IGSF9B: variants seen among roughly 807,000 people sequenced by gnomAD.
IGSF9B encodes the protein protein turtle homolog B.
Under a neutral mutation model 143.7 loss-of-function variants are expected in IGSF9B, and 48 were observed. The observed-to-expected ratio is 0.33, with a 90% CI of 0.26 to 0.42. The LOEUF is 0.42. IGSF9B is among the 20% of genes least tolerant of loss of function. IGSF9B has a pLI of 1.00. For synonymous variants in IGSF9B, 903 were observed against 833.1 expected, an observed-to-expected ratio of 1.08 and a Z score of -1.44; for missense variants, 1,706 against 1,980.0, an observed-to-expected ratio of 0.86 and a Z score of 2.63.
At position 133,920,165 on chromosome 11, in the gene IGSF9B, G is replaced by A; in HGVS notation, c.3560C>T (p.Ala1187Val). The A allele has an allele frequency of 1.3e-6, 2 of 1,509,532 alleles. No individual in the cohort carries two copies. Among genetic ancestry groups the A allele is most frequent in the East Asian group, 2.3e-5 (1 of 43,544 alleles). 93.5% of individuals were successfully genotyped at this position (1,509,532 alleles called of 1,614,324 possible). ...CACCACTTGATGTAAACTGGGCTCG[G>A]CGCGCCTGGCCTGCCGAGGGCTAGG... ...PRPSPRQARRAEPSLHQVVLQ... is the reference protein window; with the variant it reads ...PRPSPRQARRVEPSLHQVVLQ... Residue 1187 changes from alanine to valine, a missense_variant, in exon 18 of 20, where the codon GCC becomes GTC. By Grantham distance (64) the Ala-to-Val change is moderately conservative. This residue lies in a region of IGSF9B where 880 missense variants were observed against 762.9 expected (regional missense o/e 1.15). Coordinates refer to ENST00000533871, the MANE Select transcript of IGSF9B (RefSeq NM_001277285.4).
Position 133,948,561 on chromosome 11 carries a change from G to T in IGSF9B, c.65-2303C>A, listed in dbSNP as rs139355948. On this transcript the variant is annotated intron_variant, in intron 1 of 19. Coordinates refer to ENST00000533871, the MANE Select transcript of IGSF9B (RefSeq NM_001277285.4). The surrounding 1 kb of genome is among the most constrained non-coding windows in gnomAD (Gnocchi z 4.7). ...TCCCAGCAGCCAGGATCACAAAGGC[G>T]GATGCTGGACCAAGAGGAATGGGTG... is the stretch of plus-strand genomic sequence containing the variant. Among the ~76,000 whole-genome samples the T allele has an allele frequency of 6.6e-6, 1 of 151,686 alleles. No homozygotes were observed. Among genetic ancestry groups the T allele is most frequent in the Non-Finnish European group, 1.5e-5 (1 of 67,966 alleles).
At chr11:133,934,067 C>A (rs1173436454) in intron 7 of IGSF9B, among the ~76,000 whole-genome samples, 2 of 150,734 alleles carry the variant, frequency 1.3e-5, no homozygotes, top group African/African-American at 4.9e-5. Context: ...AAATAAAAAT[C>A]CTTGTCTCAC....
Position 133,919,991 on chromosome 11 carries a change from A to C in IGSF9B, c.3734T>G (p.Val1245Gly), listed in dbSNP as rs1939485004. The change falls in exon 18 of 20, where the codon GTC becomes GGC. Residue 1245 changes from valine to glycine, a missense_variant. Physicochemically the swap from Val to Gly is moderately radical, Grantham distance 109. Around this residue, in one of 7 missense-constraint regions of IGSF9B, gnomAD observed 880 missense variants for 762.9 expected, o/e 1.15. Transcript: ENST00000533871. ...SEITLQPPAA[V>G]SFSRKSTPST... Reference sequence around the variant, plus strand: ...CGGCGTAGACTTTCGAGAAAAGCTGACTGCAGCCGGCGGCTGCAGGGTGAT... The same window carrying C: ...CGGCGTAGACTTTCGAGAAAAGCTGCCTGCAGCCGGCGGCTGCAGGGTGAT... The C allele has an allele frequency of 6.3e-7, 1 of 1,578,958 alleles. No homozygotes were observed. Among genetic ancestry groups the C allele is most frequent in the Non-Finnish European group, 8.6e-7 (1 of 1,162,458 alleles).
At chr11:133,944,487 G>C (rs1763288754) in intron 2 of IGSF9B, 121 bp from the exon 3 acceptor site, 3 of 1,079,760 alleles carry the variant, frequency 2.8e-6, no homozygotes, top group Non-Finnish European at 4.0e-6. Context: ...CCCTATGGCA[G>C]GGCTCCAGAA....
rs1482345173 is a variant in IGSF9B at position 133,935,623 on chromosome 11, C to T, written c.961G>A (p.Val321Met). The T allele has an allele frequency of 6.2e-7, 1 of 1,609,896 alleles. No individual in the cohort carries two copies. The highest frequency in any genetic ancestry group is 1.7e-5 in the Admixed American group (1 of 59,662). Residue 321 changes from valine (V) to methionine (M), a missense_variant, in exon 7 of 20, where the codon GTG becomes ATG. By Grantham distance (21) the Val-to-Met change is conservative. Around this residue, in one of 7 missense-constraint regions of IGSF9B, gnomAD observed 238 missense variants for 452.6 expected, o/e 0.53. Transcript: ENST00000533871. ...CCCCTGCACCCCTACTCACACTGCA[C>T]GGTCAGGTACGCCGAGGCGGAGGGG... ...RSPSASAYLT[V>M]QYPARVLNMP...
chr11:133,904,749 AC>A lies in IGSF9B; in HGVS notation c.*4319del, dbSNP rs1939188007. ...ACCATCCTAACCCATGCCTGACCTCACCCTCTGTGCCCCTTCCAGCCTCACC... is the reference window on the plus strand; with the variant it reads ...ACCATCCTAACCCATGCCTGACCTCACCTCTGTGCCCCTTCCAGCCTCACC... On this transcript the variant is annotated 3_prime_UTR_variant, in exon 20 of 20. Coordinates refer to ENST00000533871, the MANE Select transcript of IGSF9B (RefSeq NM_001277285.4). 6.6e-6 allele frequency among the ~76,000 whole-genome samples: 1 copy of A among 151,234 alleles called. No individual in the cohort carries two copies. The highest frequency in any genetic ancestry group is 6.6e-5 in the Admixed American group (1 of 15,164).
Position 133,928,410 on chromosome 11 carries a change from C to T in IGSF9B, c.1631+1261G>A, listed in dbSNP as rs897608315. 4.6e-5 allele frequency among the ~76,000 whole-genome samples: 7 copies of T among 152,158 alleles called. No individual in the cohort carries two copies. Among genetic ancestry groups the T allele is most frequent in the Middle Eastern group, 3.2e-3 (1 of 316 alleles). ...GACACTCCGCCCGGGAAGCAGCCAC[C>T]GAACCACCATGATGGGAGACAGAGC... is the stretch of plus-strand genomic sequence containing the variant. On this transcript the variant is annotated intron_variant, in intron 12 of 19. Transcript: ENST00000533871. The surrounding 1 kb of genome is among the most constrained non-coding windows in gnomAD (Gnocchi z 4.7).
intron 18 of IGSF9B, among the ~76,000 whole-genome samples, chr11:133,915,473 G>A (rs1327056650): frequency 1.3e-5 from 2 of 151,886 alleles, no homozygotes; most frequent in Non-Finnish European, 2.9e-5. Context: ...GCTTCACTAT[G>A]TTGCCCAGGC....
intron 7 of IGSF9B, among the ~76,000 whole-genome samples, chr11:133,933,315 C>T (rs1939767646): frequency 6.6e-6 from 1 of 152,234 alleles, no homozygotes; most frequent in African/African-American, 2.4e-5. Flanking sequence ...GAGCAACAAG[C>T]AGTCCCCGCC....
Position 133,901,880 on chromosome 11 carries a change from ACACACACAC to A in IGSF9B, c.*7180_*7188del, listed in dbSNP as rs1939128957. Among the ~76,000 whole-genome samples the A allele has an allele frequency of 6.9e-6, 1 of 145,916 alleles. No individual in the cohort carries two copies. The highest frequency in any genetic ancestry group is 2.6e-5 in the African/African-American group (1 of 38,992). On this transcript the variant is annotated 3_prime_UTR_variant, in exon 20 of 20. Coordinates refer to ENST00000533871, the MANE Select transcript of IGSF9B (RefSeq NM_001277285.4). ...CACACACGCACCACACACGCACCAC[ACACACACAC>A]AACACACACACAACACACCACACAC... is the stretch of plus-strand genomic sequence containing the variant.
chr11:133,913,059 C>A lies in IGSF9B; in HGVS notation c.3984-1052G>T, dbSNP rs555047567. 6.6e-6 allele frequency among the ~76,000 whole-genome samples: 1 copy of A among 152,168 alleles called. No individual in the cohort carries two copies. Among genetic ancestry groups the A allele is most frequent in the South Asian group, 2.1e-4 (1 of 4,816 alleles). On this transcript the variant is annotated intron_variant, in intron 18 of 19. Transcript: ENST00000533871. The surrounding 1 kb of genome is among the most constrained non-coding windows in gnomAD (Gnocchi z 4.6). ...CATTTCTTCTCAAAGTAACCCAACT[C>A]GGAGCCTGAGGAATGAAGGGGAAAG...
At chr11:133,941,940 G>A (rs1565445758) in intron 3 of IGSF9B, among the ~76,000 whole-genome samples, 2 of 152,148 alleles carry the variant, frequency 1.3e-5, no homozygotes, top group African/African-American at 4.8e-5. Flanking sequence ...AAAGCCATAT[G>A]GCAGTAATCT....
chr11:133,920,244 G>C lies in IGSF9B; in HGVS notation c.3481C>G (p.Pro1161Ala). 6.6e-7 allele frequency: 1 copy of C among 1,516,880 alleles called. No individual in the cohort carries two copies. The highest frequency in any genetic ancestry group is 8.8e-7 in the Non-Finnish European group (1 of 1,132,234). 94.0% of individuals were successfully genotyped at this position (1,516,880 alleles called of 1,614,324 possible). Reference sequence around the variant, plus strand: ...CGGGTGTCCAGGCCAAATGTGCTGGGGCCGCCGTGCGCCCCCGGCTCAGCC... The same window carrying C: ...CGGGTGTCCAGGCCAAATGTGCTGGCGCCGCCGTGCGCCCCCGGCTCAGCC... ...EPAEPGAHGG[P>A]STFGLDTRWY... Residue 1161 changes from proline to alanine, a missense_variant, in exon 18 of 20, where the codon CCC (proline) becomes GCC (alanine). Coordinates refer to ENST00000533871, the MANE Select transcript of IGSF9B (RefSeq NM_001277285.4).
intron 7 of IGSF9B, among the ~76,000 whole-genome samples, chr11:133,934,632 G>A (rs758775036): frequency 4.6e-5 from 7 of 152,196 alleles, no homozygotes; most frequent in Admixed American, 1.3e-4. Flanking sequence ...GTCCGATGGC[G>A]CTCAGCAGGC....
chr11:133,936,994 T>C (rs535759728), intron 5 of IGSF9B, among the ~76,000 whole-genome samples: 9 of 152,316 alleles, frequency 5.9e-5, no homozygotes, highest in Admixed American at 3.3e-4. Flanking sequence ...GGGGCTTGGA[T>C]TGAGTTTCTA....
chr11:133,921,713 T>G (rs902256275), intron 17 of IGSF9B, among the ~76,000 whole-genome samples: 17 of 151,918 alleles, frequency 1.1e-4, no homozygotes, highest in Non-Finnish European at 1.6e-4. Context: ...CCCCCCATCA[T>G]CCGTCTTTCC....
chr11:133,921,078 T>C lies in IGSF9B; in HGVS notation c.2647A>G (p.Thr883Ala). The C allele has an allele frequency of 6.2e-7, 1 of 1,613,774 alleles. No individual in the cohort carries two copies. The highest frequency in any genetic ancestry group is 8.5e-7 in the Non-Finnish European group (1 of 1,179,832). Residue 883 changes from threonine to alanine, a missense_variant, in exon 18 of 20, where the codon ACG becomes GCG. By Grantham distance (58) the Thr-to-Ala change is moderately conservative. Around this residue, in one of 7 missense-constraint regions of IGSF9B, gnomAD observed 880 missense variants for 762.9 expected, o/e 1.15. Coordinates refer to ENST00000533871, the MANE Select transcript of IGSF9B (RefSeq NM_001277285.4). ...TGGCGGAACTCGGGGTACATGTCCG[T>C]CTCCTCGGCGAAGGGGAAGCCCTCG... ...RIEGFPFAEE[T>A]DMYPEFRQSD...
chr11:133,932,302 C>T (rs2121312867), intron 7 of IGSF9B, 89 bp from the exon 8 acceptor site: 1 of 1,358,384 alleles, frequency 7.4e-7, no homozygotes, highest in African/African-American at 1.9e-5. Context: ...GACACAGGGA[C>T]AGACAGACAC....
chr11:133,952,355 T>A (rs1940176133), intron 1 of IGSF9B: 3 of 241,358 alleles, frequency 1.2e-5, no homozygotes, highest in Non-Finnish European at 2.6e-5. Context: ...GGCCTGCCAC[T>A]CTGGTAACCT....
Sources: gnomAD v4.1 joint callset for allele counts (sites outside exome capture counted in the v4.1 genomes callset) on GRCh38, gnomAD v4.1.1 for gene constraint, gnomAD v4.1.1 regional missense constraint, Gnocchi (gnomAD v3.1) non-coding constraint, MANE v1.5 for transcripts, NCBI Gene and HGNC (gene_info 2026-07-23, HGNC 2026-07-21) for gene names.